The following KCNT2 variants were observed in gnomAD, a reference collection of about 807,000 sequenced individuals.
KCNT2 encodes the protein potassium channel subfamily T member 2.
A neutral mutation model predicts 153.8 loss-of-function variants in KCNT2; 67 were observed. The ratio of observed to expected loss-of-function variants is 0.44; its 90% CI spans 0.36 to 0.53. The LOEUF (loss-of-function observed/expected upper bound fraction) is 0.53. Ranked by LOEUF, KCNT2 falls within the 20% of genes least tolerant of loss-of-function variation. The probability of loss-of-function intolerance (pLI) is 0.00; values close to 1 mark genes in which losing one functional copy is unlikely to be tolerated. For synonymous variants in KCNT2, 500 were observed against 458.8 expected, an observed-to-expected ratio of 1.09 and a Z score of -1.15; for missense variants, 975 against 1,354.8, an observed-to-expected ratio of 0.72 and a Z score of 4.40.
intron 12 of KCNT2, among the ~76,000 whole-genome samples, chr1:196,399,575 T>G (rs1407300154): frequency 6.6e-6 from 1 of 151,712 alleles, no homozygotes; most frequent in Non-Finnish European, 1.5e-5. Context: ...GACAGCACTA[T>G]TAGTGAAAGG....
rs1472040445 is a variant in KCNT2 at position 196,269,695 on chromosome 1, G to A, written c.2910+11165C>T. Among the ~76,000 whole-genome samples the A allele has an allele frequency of 3.3e-5, 5 of 152,084 alleles. No homozygotes were observed. The East Asian group carries it at 9.7e-4, about 29-fold the overall frequency. On this transcript the variant is annotated intron_variant, in intron 25 of 27. Transcript: ENST00000294725. ...CTACCTGCCATAAAAAATACCTATT[G>A]TTATAAAGACACTGAAGAAGAGGAG...
At chr1:196,432,634 C>G (rs915327338) in intron 8 of KCNT2, among the ~76,000 whole-genome samples, 5 of 152,070 alleles carry the variant, frequency 3.3e-5, no homozygotes, top group African/African-American at 1.2e-4. Context: ...CCTATTTCTC[C>G]CCTTTGGAAT....
In KCNT2 at chr1:196,239,931, C is replaced by T. The variant is rs1168233527; in HGVS notation, c.3212-3861G>A. Among the ~76,000 whole-genome samples, 3 of 152,116 alleles carry T rather than the reference C, an allele frequency of 2.0e-5. No individual in the cohort carries two copies. The South Asian group carries it at 6.2e-4, about 32-fold the overall frequency. ...GGAGTAAATACACACAGAGACAAGA[C>T]TGTATGAGGACACAGAAAGAAGGCA... On this transcript the variant is annotated intron_variant, in intron 26 of 27. Coordinates refer to ENST00000294725, the MANE Select transcript of KCNT2 (RefSeq NM_198503.5).
chr1:196,361,151 TG>T (rs1667585502), intron 14 of KCNT2, among the ~76,000 whole-genome samples: 1 of 151,768 alleles, frequency 6.6e-6, no homozygotes, highest in African/African-American at 2.4e-5. Context: ...AAGAACCGGT[TG>T]AGTTAGCCAG....
At chr1:196,494,202 G>C (rs1384535130) in intron 1 of KCNT2, among the ~76,000 whole-genome samples, 1 of 152,158 alleles carries the variant, frequency 6.6e-6, no homozygotes, top group Non-Finnish European at 1.5e-5. Context: ...TATAGTAACT[G>C]TAAATAGTGA....
intron 19 of KCNT2, among the ~76,000 whole-genome samples, chr1:196,321,917 A>G (rs1663357691): frequency 6.6e-6 from 1 of 152,014 alleles, no homozygotes; most frequent in South Asian, 2.1e-4. Flanking sequence ...ATTGAGTAAC[A>G]TAAATGATAT....
intron 12 of KCNT2, among the ~76,000 whole-genome samples, chr1:196,422,776 T>C (rs1673318984): frequency 6.6e-6 from 1 of 151,914 alleles, no homozygotes; most frequent in African/African-American, 2.4e-5. Context: ...TAAGACATAC[T>C]TAATAAAAAA....
chr1:196,249,962 T>C (rs1365886692), intron 26 of KCNT2, among the ~76,000 whole-genome samples: 2 of 152,056 alleles, frequency 1.3e-5, no homozygotes, highest in African/African-American at 2.4e-5. Flanking sequence ...CAAAAAAATT[T>C]GAATGATATT....
At chr1:196,400,468 T>A (rs925736795) in intron 12 of KCNT2, among the ~76,000 whole-genome samples, 2 of 151,800 alleles carry the variant, frequency 1.3e-5, no homozygotes, top group Admixed American at 1.3e-4. Context: ...ATGCAGATAT[T>A]CTGTATCTTA....
chr1:196,511,114 ACAACACAC>A (rs1448853831), intron 1 of KCNT2, among the ~76,000 whole-genome samples: 1 of 88,878 alleles, frequency 1.1e-5, no homozygotes, highest in Non-Finnish European at 2.2e-5. Context: ...GTAAACACAC[ACAACACAC>A]ACACACACAC....
chr1:196,296,966 T>A (rs1660728757), intron 22 of KCNT2, among the ~76,000 whole-genome samples: 1 of 152,106 alleles, frequency 6.6e-6, no homozygotes, highest in Non-Finnish European at 1.5e-5. Flanking sequence ...TGTCCTTGTC[T>A]AATGTGATAT....
intron 1 of KCNT2, among the ~76,000 whole-genome samples, chr1:196,593,934 T>C (rs1558117593): frequency 6.6e-6 from 1 of 151,968 alleles, no homozygotes; most frequent in Non-Finnish European, 1.5e-5. Context: ...CCTAAACTAT[T>C]ATAAGCACTG....
At chr1:196,334,763 A>C (rs1664849328) in intron 16 of KCNT2, among the ~76,000 whole-genome samples, 1 of 151,666 alleles carries the variant, frequency 6.6e-6, no homozygotes, top group South Asian at 2.1e-4. Flanking sequence ...ACAAGATGAA[A>C]CCTGTATGTA....
chr1:196,230,680 A>G (rs968317369), intron 27 of KCNT2, among the ~76,000 whole-genome samples: 24 of 151,998 alleles, frequency 1.6e-4, no homozygotes, highest in Admixed American at 3.9e-4. Flanking sequence ...TAGCAAGATA[A>G]CTAGAATTAG....
intron 12 of KCNT2, among the ~76,000 whole-genome samples, chr1:196,416,100 G>T (rs906239773): frequency 2.1e-4 from 30 of 145,942 alleles, no homozygotes; most frequent in African/African-American, 5.4e-4. Flanking sequence ...TTATCCTTTT[G>T]TCCAGTATAT....
intron 5 of KCNT2, among the ~76,000 whole-genome samples, chr1:196,477,073 T>C (rs1678600300): frequency 6.6e-6 from 1 of 152,184 alleles, no homozygotes; most frequent in African/African-American, 2.4e-5. Flanking sequence ...TCAATCCACC[T>C]ATATTTTTTA....
At chr1:196,273,501 G>A (rs963218775) in intron 25 of KCNT2, 1 of 1,528,402 alleles carries the variant, frequency 6.5e-7, no homozygotes, top group Admixed American at 2.0e-5. Context: ...GACACAACGG[G>A]AGGGAAAAAG....
intron 26 of KCNT2, among the ~76,000 whole-genome samples, chr1:196,246,440 T>C (rs78379279): frequency 0.013 from 2,011 of 152,202 alleles, 21 homozygotes; most frequent in Non-Finnish European, 0.021. Flanking sequence ...GGTACAAAAC[T>C]CATTGGTAAT....
chr1:196,347,610 T>C (rs1666252417), intron 14 of KCNT2, among the ~76,000 whole-genome samples: 1 of 152,204 alleles, frequency 6.6e-6, no homozygotes, highest in South Asian at 2.1e-4. Context: ...TTGAAAATGC[T>C]AAAGGGCTTC....
Sources: gnomAD v4.1 joint callset for allele counts (sites outside exome capture counted in the v4.1 genomes callset) on GRCh38, gnomAD v4.1.1 for gene constraint, MANE v1.5 for transcripts, NCBI Gene and HGNC (gene_info 2026-07-23, HGNC 2026-07-21) for gene names.